The following PCDHA1 variants were observed in gnomAD, a reference collection of about 807,000 sequenced individuals.
The protein encoded by PCDHA1 is protocadherin alpha-1.
In PCDHA1, 42 loss-of-function variants were observed where a neutral mutation model predicts 61.3. The observed-to-expected ratio is 0.69, with a 90% confidence interval of 0.54 to 0.89. PCDHA1 has a LOEUF of 0.89. Ranked by LOEUF, PCDHA1 falls within the 40% of genes least tolerant of loss-of-function variation. The pLI is 0.00. For synonymous variants in PCDHA1, 610 were observed against 553.8 expected, an observed-to-expected ratio of 1.10 and a Z score of -1.43; for missense variants, 1,256 against 1,235.3, an observed-to-expected ratio of 1.02 and a Z score of -0.25.
At chr5:140,993,472 A>T (rs1164535164) in intron 3 of PCDHA1, among the ~76,000 whole-genome samples, 1 of 134,248 alleles carries the variant, frequency 7.4e-6, no homozygotes, top group Non-Finnish European at 1.5e-5. Flanking sequence ...TCACACACAC[A>T]CACACACACA....
At chr5:140,968,846 C>T (rs1554231159) in intron 1 of PCDHA1, 1 of 1,614,186 alleles carries the variant, frequency 6.2e-7, no homozygotes. Context: ...CACTCAGAGG[C>T]ATGTTAAGAG....
At position 140,851,979 on chromosome 5, in the gene PCDHA1, G is replaced by A. The variant is rs117939942; in HGVS notation, c.2394+63295G>A. 36 of 976,672 alleles carry A rather than the reference G, an allele frequency of 3.7e-5. No individual in the cohort carries two copies. In the East Asian group the frequency reaches 3.7e-3, roughly 102 times the overall value. 60.5% of individuals were successfully genotyped at this position (976,672 alleles called of 1,614,324 possible). ...GGTGGTTTTCCACACTCTACCTTTA[G>A]TGCAAGCTATTTGTTTGTTTTCTAA... On this transcript the variant is annotated intron_variant, in intron 1 of 3. Coordinates refer to ENST00000504120, the MANE Select transcript of PCDHA1 (RefSeq NM_018900.4).
chr5:140,862,553 C>T (rs561370771), intron 1 of PCDHA1: 12 of 463,418 alleles, frequency 2.6e-5, no homozygotes, highest in Non-Finnish European at 4.4e-5. Context: ...AGTGGCCGAA[C>T]AGTGAACCAC....
chr5:140,877,015 G>T lies in PCDHA1; in HGVS notation c.2394+88331G>T, dbSNP rs371309003. The T allele has an allele frequency of 1.6e-5, 26 of 1,612,358 alleles. No individual in the cohort carries two copies. Among genetic ancestry groups the T allele is most frequent in the African/African-American group, 4.0e-5 (3 of 74,900 alleles). On this transcript the variant is annotated intron_variant, in intron 1 of 3. Transcript: ENST00000504120. The stretch of plus-strand genomic sequence containing the variant: ...CTACGTGTCGGTGCACGCGGAGAGC[G>T]GCAAGGTGTACGCGCTGCAGCCGCT...
intron 1 of PCDHA1, among the ~76,000 whole-genome samples, chr5:140,909,018 A>AT: frequency 6.6e-6 from 1 of 152,230 alleles, no homozygotes; most frequent in East Asian, 1.9e-4. Context: ...AGGTTCCTGA[A>AT]TTTTAGTCAT....
chr5:140,910,845 G>T (rs1448971238), intron 1 of PCDHA1, among the ~76,000 whole-genome samples: 1 of 152,090 alleles, frequency 6.6e-6, no homozygotes, highest in Admixed American at 6.5e-5. Flanking sequence ...CAATGCCTTG[G>T]ATCTATGTTC....
intron 1 of PCDHA1, chr5:140,851,191 T>C: frequency 8.2e-7 from 1 of 1,215,936 alleles, no homozygotes; most frequent in South Asian, 3.0e-5. Context: ...ACCAATTTAG[T>C]TGTTAGTCAT....
At chr5:141,004,497 T>C (rs2098168493) in intron 3 of PCDHA1, among the ~76,000 whole-genome samples, 1 of 152,218 alleles carries the variant, frequency 6.6e-6, no homozygotes, top group South Asian at 2.1e-4. Context: ...TTGGCAGTCC[T>C]GCTGTGAGGG....
intron 1 of PCDHA1, chr5:140,862,563 C>T: frequency 2.1e-6 from 1 of 476,978 alleles, no homozygotes; most frequent in Non-Finnish European, 4.3e-6. Context: ...CAGTGAACCA[C>T]AATGCCCTGG....
At chr5:140,836,233 G>A in intron 1 of PCDHA1, 5 of 1,613,764 alleles carry the variant, frequency 3.1e-6, no homozygotes, top group Non-Finnish European at 4.2e-6. Flanking sequence ...GTGGCGGCCG[G>A]TGCGAGCATC....
At chr5:140,836,196 G>A (rs1480850746) in intron 1 of PCDHA1, 3 of 1,613,832 alleles carry the variant, frequency 1.9e-6, no homozygotes, top group Admixed American at 1.7e-5. Flanking sequence ...AGGCTACAAC[G>A]CGTGGCTTTC....
At chr5:140,845,850 G>C (rs2150381822) in intron 1 of PCDHA1, among the ~76,000 whole-genome samples, 1 of 149,860 alleles carries the variant, frequency 6.7e-6, no homozygotes, top group East Asian at 1.9e-4. Flanking sequence ...GAGAAAAGAA[G>C]TTAGTGATTG....
intron 1 of PCDHA1, chr5:140,869,446 C>A (rs2051137912): frequency 1.2e-6 from 2 of 1,614,070 alleles, no homozygotes; most frequent in Admixed American, 1.7e-5. Context: ...CAGGCCGCTG[C>A]AGGTTTTCCA....
In PCDHA1 at chr5:140,858,699, A is replaced by T; in HGVS notation, c.2394+70015A>T. ...GAATACACTAATATTTTCCAATACAAATATGTGATATAGGTTGCAGTTCTG... is the reference window on the plus strand; with the variant it reads ...GAATACACTAATATTTTCCAATACATATATGTGATATAGGTTGCAGTTCTG... On this transcript the variant is annotated intron_variant, in intron 1 of 3. Coordinates refer to ENST00000504120, the MANE Select transcript of PCDHA1 (RefSeq NM_018900.4). 3.6e-6 allele frequency: 2 copies of T among 561,894 alleles called. 1 individual carries two copies. The highest frequency in any genetic ancestry group is 6.1e-6 in the Non-Finnish European group (2 of 326,852). 34.8% of individuals were successfully genotyped at this position (561,894 alleles called of 1,614,324 possible).
chr5:140,877,401 G>T (rs183471635), intron 1 of PCDHA1: 1 of 1,613,944 alleles, frequency 6.2e-7, no homozygotes, highest in East Asian at 2.2e-5. Flanking sequence ...CGGACGCTCC[G>T]CGCCACCGCC....
chr5:140,934,833 G>C (rs1584817572), intron 1 of PCDHA1, among the ~76,000 whole-genome samples: 1 of 152,100 alleles, frequency 6.6e-6, no homozygotes, highest in Admixed American at 6.5e-5. Context: ...GGCAAGTTGG[G>C]AACTGTTCAG....
intron 1 of PCDHA1, chr5:140,802,772 C>G: frequency 6.2e-7 from 1 of 1,613,090 alleles, no homozygotes; most frequent in Non-Finnish European, 8.5e-7. Context: ...CGCTGGACCA[C>G]GAGGAGCTAG....
Position 140,795,059 on chromosome 5 carries a change from G to A in PCDHA1, c.2394+6375G>A, listed in dbSNP as rs563648142. On this transcript the variant is annotated intron_variant, in intron 1 of 3. Transcript: ENST00000504120. ...TGGGAGGTGGGGAGCGGCCAGCTCC[G>A]CTACTCCGTCCCCGAGGAGGCCAAA... 2.2e-5 allele frequency: 36 copies of A among 1,613,904 alleles called. No individual in the cohort carries two copies. The African/African-American group carries it at 4.3e-4, about 19-fold the overall frequency.
intron 1 of PCDHA1, among the ~76,000 whole-genome samples, chr5:140,915,392 A>AT (rs1554196880): frequency 6.6e-6 from 1 of 152,072 alleles, no homozygotes; most frequent in African/African-American, 2.4e-5. Context: ...AGAGCTAGGT[A>AT]TTTCTTATAG....
Sources: gnomAD v4.1 joint callset for allele counts (sites outside exome capture counted in the v4.1 genomes callset) on GRCh38, gnomAD v4.1.1 for gene constraint, MANE v1.5 for transcripts, NCBI Gene and HGNC (gene_info 2026-07-23, HGNC 2026-07-21) for gene names.